The following ZNF571 variants were observed in gnomAD, a reference collection of about 807,000 sequenced individuals.
The protein encoded by ZNF571 is zinc finger protein 571.
In ZNF571, 4 loss-of-function variants were observed where a neutral mutation model predicts 7.7. That is an observed-to-expected ratio of 0.52 (90% CI 0.25 to 1.18). The LOEUF (loss-of-function observed/expected upper bound fraction) is 1.18, where lower values mean the gene tolerates loss of function less well. Among genes scored for constraint, ZNF571 ranks in the 50% most tolerant of loss-of-function variants. ZNF571 has a pLI of 0.14. For missense variants in ZNF571, 704 were observed against 726.9 expected, an observed-to-expected ratio of 0.97 and a Z score of 0.36; for synonymous variants, 251 against 232.4, an observed-to-expected ratio of 1.08 and a Z score of -0.73.
rs775350323 is a variant in ZNF571, at chr19:37,564,784, A to G, written c.1644T>C (p.His548=). The change falls in exon 4 of 4, where the codon CAT becomes CAC. Residue 548 remains histidine, a synonymous_variant. Coordinates refer to ENST00000451802, the MANE Select transcript of ZNF571 (RefSeq NM_016536.5). ...AFIRGSHLTE[H]LRTHTGEKPY... ...GTTTCTCTCCAGTATGAGTTCTCAG[A>G]TGTTCAGTAAGGTGTGAGCCACGAA... 7 of 1,613,804 alleles carry G rather than the reference A, an allele frequency of 4.3e-6. No homozygotes were observed. In the African/African-American group the frequency reaches 5.3e-5, roughly 12 times the overall value.
intron 2 of ZNF571, chr19:37,585,408 C>A (rs2043635873): frequency 6.6e-6 from 1 of 152,208 alleles, no homozygotes; most frequent in Non-Finnish European, 1.5e-5. Context: ...AATATGCAGA[C>A]TAACAACTCT....
intron 3 of ZNF571, among the ~76,000 whole-genome samples, chr19:37,582,708 T>C (rs920198993): frequency 1.3e-5 from 2 of 152,198 alleles, no homozygotes; most frequent in African/African-American, 4.8e-5. Context: ...GATGCCTCTA[T>C]TGCCAATCTT....
intron 1 of ZNF571, 72 bp downstream of exon 1, chr19:37,594,669 C>G (rs992884379): frequency 2.2e-4 from 34 of 152,272 alleles, no homozygotes; most frequent in African/African-American, 7.5e-4. Context: ...TTCCCAGCAC[C>G]ATACAAGAAC....
At chr19:37,592,969 C>G (rs939284551) in intron 1 of ZNF571, among the ~76,000 whole-genome samples, 1 of 152,178 alleles carries the variant, frequency 6.6e-6, no homozygotes, top group Non-Finnish European at 1.5e-5. Flanking sequence ...AATGTGTGGA[C>G]TCTATCTGGA....
intron 3 of ZNF571, among the ~76,000 whole-genome samples, chr19:37,577,784 G>A (rs988624058): frequency 6.6e-6 from 1 of 152,216 alleles, no homozygotes; most frequent in Non-Finnish European, 1.5e-5. Flanking sequence ...CAAGATGGCT[G>A]ACTAGAAGCA....
intron 1 of ZNF571, among the ~76,000 whole-genome samples, chr19:37,591,624 A>C (rs2043870246): frequency 6.6e-6 from 1 of 152,216 alleles, no homozygotes. Context: ...GGCTCACCAC[A>C]ACCTCGGCCT....
chr19:37,575,002 A>C (rs954594713), intron 3 of ZNF571, among the ~76,000 whole-genome samples: 2 of 152,146 alleles, frequency 1.3e-5, no homozygotes, highest in African/African-American at 2.4e-5. Context: ...ATCAAAAATC[A>C]CCTCCACTTC....
In ZNF571 at chr19:37,565,669, ACATT is replaced by A. The variant is rs2042829791; in HGVS notation, c.755_758del (p.Glu252ValfsTer98). 1 of 1,613,468 alleles carries A rather than the reference ACATT, an allele frequency of 6.2e-7. No individual in the cohort carries two copies. Among genetic ancestry groups the A allele is most frequent in the Non-Finnish European group, 8.5e-7 (1 of 1,179,846 alleles). The stretch of plus-strand genomic sequence containing the variant: ...AACTAAAGGCTTTTCCACATTTCTT[ACATT>A]CATATGGTTTCTCTCCTGTATGAAC... On this transcript the variant is annotated frameshift_variant, in exon 4 of 4. Coordinates refer to ENST00000451802, the MANE Select transcript of ZNF571 (RefSeq NM_016536.5). LOFTEE classifies it low-confidence loss of function (END_TRUNC).
intron 3 of ZNF571, chr19:37,583,708 G>A (rs1183245181): frequency 1.3e-5 from 4 of 308,368 alleles, no homozygotes; most frequent in African/African-American, 8.7e-5. Context: ...TAAAAGAAAG[G>A]AAATGGTGCA....
At chr19:37,578,150 C>T (rs943744286) in intron 3 of ZNF571, among the ~76,000 whole-genome samples, 8 of 152,304 alleles carry the variant, frequency 5.3e-5, no homozygotes, top group Admixed American at 2.0e-4. Flanking sequence ...CCCTTCCCCT[C>T]TCGCCCCACT....
At chr19:37,594,674 A>T (rs2043965824) in intron 1 of ZNF571, 67 bp downstream of exon 1, 1 of 152,260 alleles carries the variant, frequency 6.6e-6, no homozygotes, top group Non-Finnish European at 1.5e-5. Context: ...AGCACCATAC[A>T]AGAACTACTT....
chr19:37,590,643 A>G (rs2043842311), intron 1 of ZNF571, among the ~76,000 whole-genome samples: 1 of 152,198 alleles, frequency 6.6e-6, no homozygotes, highest in Admixed American at 6.5e-5. Flanking sequence ...GTATATATGT[A>G]GAGAGAATTA....
chr19:37,594,075 G>A (rs2043945645), intron 1 of ZNF571: 1 of 152,090 alleles, frequency 6.6e-6, no homozygotes, highest in African/African-American at 2.4e-5. Flanking sequence ...AACAATTTAG[G>A]ATAACACCAA....
At chr19:37,584,922 C>T (rs1343613757) in intron 2 of ZNF571, among the ~76,000 whole-genome samples, 1 of 150,860 alleles carries the variant, frequency 6.6e-6, no homozygotes, top group Non-Finnish European at 1.5e-5. Context: ...CGAGATTGCG[C>T]CACTGCACTC....
chr19:37,591,349 G>C (rs1299968251), intron 1 of ZNF571, among the ~76,000 whole-genome samples: 1 of 152,120 alleles, frequency 6.6e-6, no homozygotes, highest in African/African-American at 2.4e-5. Context: ...GAACTGCCTG[G>C]AAAGGACTAC....
In ZNF571 at chr19:37,566,191, A is replaced by G. The variant is rs776017932; in HGVS notation, c.237T>C (p.His79=). Residue 79 remains histidine, a synonymous_variant, in exon 4 of 4, where the codon CAT becomes CAC. Transcript: ENST00000451802. ...QWENMGKRIN[H]HLQYNGLGDN... Reference sequence around the variant, plus strand: ...CTCCAAGACCATTGTATTGAAGGTGATGGTTGATACGTTTCCCCATATTCT... The same window carrying G: ...CTCCAAGACCATTGTATTGAAGGTGGTGGTTGATACGTTTCCCCATATTCT... 4 of 1,614,004 alleles carry G rather than the reference A, an allele frequency of 2.5e-6. No homozygotes were observed. Among genetic ancestry groups the G allele is most frequent in the Non-Finnish European group, 3.4e-6 (4 of 1,179,912 alleles).
intron 3 of ZNF571, 191 bp downstream of exon 3, chr19:37,583,780 C>G (rs2043560261): frequency 2.0e-6 from 1 of 511,138 alleles, no homozygotes; most frequent in African/African-American, 1.9e-5. Context: ...AAGGGAGACA[C>G]TGACAGGAAG....
chr19:37,593,773 G>A (rs2043936645), intron 1 of ZNF571, among the ~76,000 whole-genome samples: 4 of 152,052 alleles, frequency 2.6e-5, no homozygotes, highest in Admixed American at 2.6e-4. Context: ...GGAAAGGAGA[G>A]GTGTAGTGTG....
chr19:37,581,165 C>G (rs528403606), intron 3 of ZNF571, among the ~76,000 whole-genome samples: 1 of 152,336 alleles, frequency 6.6e-6, no homozygotes, highest in South Asian at 2.1e-4. Flanking sequence ...TCACATCTTT[C>G]ACTATTCCTA....
Sources: allele counts gnomAD v4.1 joint callset (sites outside exome capture counted in the v4.1 genomes callset), GRCh38; gene constraint gnomAD v4.1.1; transcripts MANE v1.5; gene names NCBI Gene and HGNC (gene_info 2026-07-23, HGNC 2026-07-21).